Variants in ANKH observed in about 807,000 individuals in gnomAD.
ANKH encodes mineralization regulator ANKH.
In ANKH, 15 loss-of-function variants were observed where a neutral mutation model predicts 49.0. The ratio of observed to expected loss-of-function variants is 0.31; its 90% CI spans 0.20 to 0.47. The LOEUF (loss-of-function observed/expected upper bound fraction) is 0.47. ANKH is among the 20% of genes least tolerant of loss of function. ANKH has a pLI of 1.00. For missense variants in ANKH, 429 were observed against 652.0 expected (o/e 0.66, Z 3.72); for synonymous variants, 273 against 260.0 (o/e 1.05, Z -0.48).
At chr5:14,843,004 T>C (rs78995217) in intron 1 of ANKH, among the ~76,000 whole-genome samples, 1 of 152,132 alleles carries the variant, frequency 6.6e-6, no homozygotes, top group Non-Finnish European at 1.5e-5. Flanking sequence ...AAAGTCTGTT[T>C]TGAGAGCTTC....
At chr5:14,780,189 C>T (rs17317655) in intron 1 of ANKH, among the ~76,000 whole-genome samples, 24,056 of 151,804 alleles carry the variant, frequency 0.16, 2,246 homozygotes, top group Middle Eastern at 0.27. Flanking sequence ...CAAGTCAGGA[C>T]GTGCCAAGGG....
At chr5:14,839,794 T>G (rs1741765961) in intron 1 of ANKH, among the ~76,000 whole-genome samples, 1 of 152,200 alleles carries the variant, frequency 6.6e-6, no homozygotes, top group Non-Finnish European at 1.5e-5. Flanking sequence ...CTTTGTGCAT[T>G]TGAGGGTGTC....
chr5:14,753,463 G>A (rs978582355), intron 4 of ANKH, among the ~76,000 whole-genome samples: 10 of 152,166 alleles, frequency 6.6e-5, no homozygotes, highest in African/African-American at 1.2e-4. Context: ...ACAGGAATGC[G>A]GGGGATGTAC....
intron 1 of ANKH, among the ~76,000 whole-genome samples, chr5:14,803,898 C>T (rs1312008386): frequency 6.6e-6 from 1 of 152,024 alleles, no homozygotes; most frequent in East Asian, 1.9e-4. Flanking sequence ...TTCTCTACCC[C>T]CAACTTTGTT....
intron 1 of ANKH, among the ~76,000 whole-genome samples, chr5:14,854,526 A>G (rs968828120): frequency 1.8e-4 from 28 of 152,136 alleles, no homozygotes; most frequent in African/African-American, 6.5e-4. Flanking sequence ...CAAAACAAAA[A>G]CAAAAACAAA....
intron 1 of ANKH, 21 bp from the exon 2 acceptor site, chr5:14,769,212 C>T (rs777859536): frequency 6.3e-7 from 1 of 1,590,644 alleles, no homozygotes; most frequent in African/African-American, 1.3e-5. Context: ...GGAAAAAAAC[C>T]CACAAGCATT....
intron 1 of ANKH, among the ~76,000 whole-genome samples, chr5:14,790,075 C>G (rs1740116325): frequency 6.6e-6 from 1 of 152,192 alleles, no homozygotes; most frequent in Non-Finnish European, 1.5e-5. Context: ...TAAAGTAAGT[C>G]TTATGATACC....
rs1156799057 is a variant in ANKH at position 14,709,410 on chromosome 5, ACT to A, written c.*1785_*1786del. 6.6e-6 allele frequency: 1 copy of A among 152,152 alleles called. No individual in the cohort carries two copies. Among genetic ancestry groups the A allele is most frequent in the African/African-American group, 2.4e-5 (1 of 41,410 alleles). 9.4% of individuals were successfully genotyped at this position (152,152 alleles called of 1,614,324 possible). ...TATATGTATTAATGGAGGAAAAGCCACTCTGAGGAAGCACGCCAAGGACATGT... is the reference window on the plus strand; with the variant it reads ...TATATGTATTAATGGAGGAAAAGCCACTGAGGAAGCACGCCAAGGACATGT... On this transcript the variant is annotated 3_prime_UTR_variant, in exon 12 of 12. Coordinates refer to ENST00000284268, the MANE Select transcript of ANKH (RefSeq NM_054027.6).
intron 1 of ANKH, among the ~76,000 whole-genome samples, chr5:14,794,544 G>C (rs1740311743): frequency 6.6e-6 from 1 of 152,226 alleles, no homozygotes; most frequent in Non-Finnish European, 1.5e-5. Flanking sequence ...TTTGCTTACT[G>C]TTGGATCACA....
chr5:14,794,842 G>GA (rs1740321941), intron 1 of ANKH, among the ~76,000 whole-genome samples: 1 of 152,226 alleles, frequency 6.6e-6, no homozygotes, highest in South Asian at 2.1e-4. Context: ...ATTGCCCTTT[G>GA]AAGAAATATA....
At chr5:14,814,686 T>C (rs544648864) in intron 1 of ANKH, among the ~76,000 whole-genome samples, 42 of 152,330 alleles carry the variant, frequency 2.8e-4, no homozygotes, top group African/African-American at 9.9e-4. Flanking sequence ...ATTTCTGCAA[T>C]TCAATAGTCT....
rs9312871 is a variant in ANKH at position 14,732,697 on chromosome 5, G to A, written c.1011+9130C>T. ...TTTACCCCTTTTAAAGTCTTAAAAG[G>A]TGAGCAATTCTTGTTGCCTCTGTGT... On this transcript the variant is annotated intron_variant, in intron 8 of 11. Coordinates refer to ENST00000284268, the MANE Select transcript of ANKH (RefSeq NM_054027.6). 9.4e-3 allele frequency among the ~76,000 whole-genome samples: 1,434 copies of A among 152,218 alleles called. 9 individuals carry two copies. The highest frequency in any genetic ancestry group is 0.012 in the African/African-American group (498 of 41,512).
chr5:14,758,777 G>A (rs1738983481), intron 2 of ANKH, among the ~76,000 whole-genome samples, 179 bp from the exon 3 acceptor site: 1 of 152,202 alleles, frequency 6.6e-6, no homozygotes, highest in African/African-American at 2.4e-5. Flanking sequence ...GTGGGTCACA[G>A]CCAATGAATG....
At chr5:14,718,146 TTGAGCAGCCATCAGTGA>T (rs2126419040) in intron 8 of ANKH, among the ~76,000 whole-genome samples, 1 of 152,312 alleles carries the variant, frequency 6.6e-6, no homozygotes, top group African/African-American at 2.4e-5. Flanking sequence ...GCAGCCGCAC[TTGAGCAGCCATCAGTGA>T]GGCCCTCGCA....
At chr5:14,761,116 C>T (rs559408051) in intron 2 of ANKH, among the ~76,000 whole-genome samples, 4 of 152,216 alleles carry the variant, frequency 2.6e-5, no homozygotes. Context: ...TCTACAAGCC[C>T]AGGAATGCCA....
intron 1 of ANKH, among the ~76,000 whole-genome samples, chr5:14,793,013 T>TAAAA (rs1167751530): frequency 1.5e-5 from 1 of 67,306 alleles, no homozygotes; most frequent in East Asian, 4.7e-4. Flanking sequence ...TATAAATATA[T>TAAAA]ATATATAAAT....
At chr5:14,738,356 C>A (rs1365437194) in intron 8 of ANKH, among the ~76,000 whole-genome samples, 5 of 152,126 alleles carry the variant, frequency 3.3e-5, no homozygotes, top group Non-Finnish European at 5.9e-5. Flanking sequence ...GGACAGTATA[C>A]GTTTTCCTTT....
At position 14,713,487 on chromosome 5, in the gene ANKH, G is replaced by A. The variant is rs973691123; in HGVS notation, c.1265+57C>T. On this transcript the variant is annotated intron_variant, in intron 10 of 11. Transcript: ENST00000284268. This position sits in a 1 kb window ranked among gnomAD's most constrained non-coding sequence, Gnocchi z 4.4. ...CTGAAAATGTAGCTGTTAAACCTCT[G>A]GACACAGTATTGAAGTGGCAGAAGG... 7.5e-6 allele frequency: 12 copies of A among 1,607,444 alleles called. No individual in the cohort carries two copies. Among genetic ancestry groups the A allele is most frequent in the Middle Eastern group, 1.7e-4 (1 of 6,050 alleles).
At chr5:14,732,472 T>C (rs537711573) in intron 8 of ANKH, among the ~76,000 whole-genome samples, 17 of 152,006 alleles carry the variant, frequency 1.1e-4, no homozygotes, top group Non-Finnish European at 2.2e-4. Flanking sequence ...ATAAACTTTA[T>C]ATTTATCTAT....
Sources: allele counts gnomAD v4.1 joint callset (sites outside exome capture counted in the v4.1 genomes callset), GRCh38; gene constraint gnomAD v4.1.1; non-coding constraint Gnocchi (gnomAD v3.1); transcripts MANE v1.5; gene names NCBI Gene and HGNC (gene_info 2026-07-23, HGNC 2026-07-21).